Variants in KDM2A observed in about 807,000 individuals in gnomAD.
KDM2A encodes the protein lysine demethylase 2A.
KDM2A carries 3 observed loss-of-function variants against 137.3 expected under a neutral mutation model. The observed-to-expected ratio is 0.02, with a 90% CI of 0.01 to 0.06. The LOEUF (loss-of-function observed/expected upper bound fraction) is 0.06, where lower values mean the gene tolerates loss of function less well. KDM2A is among the 10% of genes least tolerant of loss of function. The pLI, the probability that KDM2A is intolerant of heterozygous loss-of-function variation, is 1.00. For synonymous variants in KDM2A, 512 were observed against 541.5 expected (o/e 0.95, Z 0.76); for missense variants, 738 against 1,510.6 (o/e 0.49, Z 8.48).
At position 67,254,998 on chromosome 11, in the gene KDM2A, G is replaced by T. The variant is rs373901181; in HGVS notation, c.3432G>T (p.Leu1144Phe). 3.1e-6 allele frequency: 5 copies of T among 1,613,468 alleles called. No individual in the cohort carries two copies. The highest frequency in any genetic ancestry group is 4.2e-6 in the Non-Finnish European group (5 of 1,179,678). Residue 1144 changes from leucine (L) to phenylalanine (F), a missense_variant, in exon 21 of 21, where the codon TTG becomes TTT. Coordinates refer to ENST00000529006, the MANE Select transcript of KDM2A (RefSeq NM_012308.3). This position sits in a 1 kb window ranked among gnomAD's most constrained non-coding sequence, Gnocchi z 4.7. Reference sequence around the variant, plus strand: ...CCTGCGAGCACTTCATCTCAGACTTGTCCATCAACAGCCTCTACTGCCTGT... The same window carrying T: ...CCTGCGAGCACTTCATCTCAGACTTTTCCATCAACAGCCTCTACTGCCTGT... ...RKACEHFISD[L>F]SINSLYCLSD...
At chr11:67,153,836 A>G (rs986464450) in intron 2 of KDM2A, among the ~76,000 whole-genome samples, 1 of 151,886 alleles carries the variant, frequency 6.6e-6, no homozygotes, top group South Asian at 2.1e-4. Flanking sequence ...AAAAACACCA[A>G]AAACAACCAA....
intron 12 of KDM2A, among the ~76,000 whole-genome samples, chr11:67,241,779 A>G (rs2136443528): frequency 6.6e-6 from 1 of 152,328 alleles, no homozygotes; most frequent in East Asian, 1.9e-4. Context: ...TCTAAAACGA[A>G]AAGATTTGGC....
intron 6 of KDM2A, among the ~76,000 whole-genome samples, chr11:67,209,125 G>T (rs969387970): frequency 6.6e-6 from 1 of 151,788 alleles, no homozygotes; most frequent in Admixed American, 6.6e-5. Flanking sequence ...TAGAGACGGG[G>T]TTTCATCATG....
At position 67,245,623 on chromosome 11, in the gene KDM2A, G is replaced by C. The variant is rs1396996186; in HGVS notation, c.1833+165G>C. On this transcript the variant is annotated intron_variant, in intron 14 of 20. Coordinates refer to ENST00000529006, the MANE Select transcript of KDM2A (RefSeq NM_012308.3). The surrounding 1 kb of genome is among the most constrained non-coding windows in gnomAD (Gnocchi z 4.1). The stretch of plus-strand genomic sequence containing the variant: ...TTTTTTCCCCAGGTTTAGATAGAAG[G>C]TATCTAGTACTAAAAATCCGATTTA... 7.8e-5 allele frequency: 57 copies of C among 730,392 alleles called. No individual in the cohort carries two copies. Among genetic ancestry groups the C allele is most frequent in the Non-Finnish European group, 1.1e-4 (52 of 454,570 alleles). 45.2% of individuals were successfully genotyped at this position (730,392 alleles called of 1,614,324 possible). A position where few individuals can be genotyped will look rare whatever the true frequency, so the allele number is the denominator to read the frequency against.
intron 2 of KDM2A, among the ~76,000 whole-genome samples, chr11:67,179,416 G>T (rs1857039042): frequency 1.3e-5 from 2 of 152,134 alleles, no homozygotes; most frequent in African/African-American, 4.8e-5. Flanking sequence ...TGGGATTACA[G>T]GCATGTGCCA....
intron 5 of KDM2A, among the ~76,000 whole-genome samples, chr11:67,206,467 T>C (rs1231716529): frequency 1.3e-5 from 2 of 152,022 alleles, no homozygotes; most frequent in Non-Finnish European, 2.9e-5. Flanking sequence ...CTGGGCATGG[T>C]GGCTCACGCC....
At chr11:67,123,377 A>G (rs988941181) in intron 2 of KDM2A, among the ~76,000 whole-genome samples, 3 of 147,494 alleles carry the variant, frequency 2.0e-5, no homozygotes, top group Non-Finnish European at 4.4e-5. Flanking sequence ...GCCTAATTTC[A>G]GAGATTTGTC....
Position 67,254,967 on chromosome 11 carries a change from G to A in KDM2A, c.3401G>A (p.Arg1134Gln), listed in dbSNP as rs774967696. Residue 1134 changes from arginine (R) to glutamine (Q), a missense_variant, in exon 21 of 21, where the codon CGA becomes CAA. Around this residue, in one of 9 missense-constraint regions of KDM2A, gnomAD observed 166 missense variants for 324.0 expected, o/e 0.51. Transcript: ENST00000529006. This position sits in a 1 kb window ranked among gnomAD's most constrained non-coding sequence, Gnocchi z 4.7. The part of the protein sequence containing the change: ...IDLRGCKQIT[R>Q]KACEHFISDL... Reference sequence around the variant, plus strand: ...CTTCGAGGATGCAAGCAGATCACTCGAAAAGCCTGCGAGCACTTCATCTCA... The same window carrying A: ...CTTCGAGGATGCAAGCAGATCACTCAAAAAGCCTGCGAGCACTTCATCTCA... 1.2e-6 allele frequency: 2 copies of A among 1,613,716 alleles called. No homozygotes were observed. The highest frequency in any genetic ancestry group is 1.7e-6 in the Non-Finnish European group (2 of 1,179,848).
At chr11:67,185,988 G>A (rs900406290) in intron 5 of KDM2A, among the ~76,000 whole-genome samples, 1 of 151,948 alleles carries the variant, frequency 6.6e-6, no homozygotes, top group Non-Finnish European at 1.5e-5. Context: ...TGGACTAAGA[G>A]CCTAAAGGAA....
chr11:67,220,586 C>A (rs1858315007), intron 10 of KDM2A, among the ~76,000 whole-genome samples: 1 of 151,982 alleles, frequency 6.6e-6, no homozygotes, highest in African/African-American at 2.4e-5. Context: ...TCTCATTTTT[C>A]TCTAGGATGA....
At position 67,220,725 on chromosome 11, in the gene KDM2A, G is replaced by T. The variant is rs1466801759; in HGVS notation, c.957+1322G>T. ...ATAGTAAATATTTTAGGCTTCGTGG[G>T]TCATAAAGTGTCTATTGTAACTGTT... is the stretch of plus-strand genomic sequence containing the variant. On this transcript the variant is annotated intron_variant, in intron 10 of 20. Transcript: ENST00000529006. 4.6e-5 allele frequency among the ~76,000 whole-genome samples: 7 copies of T among 152,102 alleles called. No individual in the cohort carries two copies. In the East Asian group the frequency reaches 1.3e-3, roughly 29 times the overall value.
chr11:67,253,978 TGC>T (rs770058800), intron 19 of KDM2A, among the ~76,000 whole-genome samples: 4 of 152,248 alleles, frequency 2.6e-5, no homozygotes, highest in Non-Finnish European at 5.9e-5. Context: ...TTTTGCTGTG[TGC>T]ATGAGGCATA....
chr11:67,194,143 T>C (rs1452453848), intron 5 of KDM2A, among the ~76,000 whole-genome samples: 1 of 152,250 alleles, frequency 6.6e-6, no homozygotes, highest in Non-Finnish European at 1.5e-5. Context: ...TTTAATCCTT[T>C]TGTTTCTTTT....
At chr11:67,143,696 G>A (rs538557843) in intron 2 of KDM2A, among the ~76,000 whole-genome samples, 1 of 151,592 alleles carries the variant, frequency 6.6e-6, no homozygotes, top group Non-Finnish European at 1.5e-5. Context: ...GCAATGACGC[G>A]ATCTTGGCTC....
At chr11:67,156,910 G>C (rs1176736601) in intron 2 of KDM2A, among the ~76,000 whole-genome samples, 1 of 151,090 alleles carries the variant, frequency 6.6e-6, no homozygotes, top group Non-Finnish European at 1.5e-5. Flanking sequence ...TATGAAATAG[G>C]AGCTTCAGTG....
At chr11:67,233,798 A>T (rs1858791056) in intron 12 of KDM2A, among the ~76,000 whole-genome samples, 1 of 151,824 alleles carries the variant, frequency 6.6e-6, no homozygotes, top group Non-Finnish European at 1.5e-5. Context: ...GCAAGAAGAG[A>T]GGGGAGTTAA....
At chr11:67,134,495 T>A (rs1004420104) in intron 2 of KDM2A, among the ~76,000 whole-genome samples, 4 of 152,198 alleles carry the variant, frequency 2.6e-5, no homozygotes, top group Non-Finnish European at 5.9e-5. Flanking sequence ...TTTTATTTTT[T>A]AAAGTTTTAT....
In KDM2A at chr11:67,159,464, T is replaced by C. The variant is rs144780237; in HGVS notation, c.43-20615T>C. On this transcript the variant is annotated intron_variant, in intron 2 of 20. Coordinates refer to ENST00000529006, the MANE Select transcript of KDM2A (RefSeq NM_012308.3). ...TTGGATCTAGAAGATTAGATTCATCTTAAACATTTTGGCAAGAATGTTTCC... is the reference window on the plus strand; with the variant it reads ...TTGGATCTAGAAGATTAGATTCATCCTAAACATTTTGGCAAGAATGTTTCC... Among the ~76,000 whole-genome samples the C allele has an allele frequency of 4.0e-4, 61 of 152,358 alleles. No individual in the cohort carries two copies. The East Asian group carries it at 9.4e-3, about 24-fold the overall frequency.
At chr11:67,146,055 G>T (rs866665321) in intron 2 of KDM2A, among the ~76,000 whole-genome samples, 2 of 148,308 alleles carry the variant, frequency 1.3e-5, no homozygotes, top group South Asian at 4.3e-4. Flanking sequence ...GCAGTGGCGC[G>T]ATCTCAGCTC....
Sources: allele counts gnomAD v4.1 joint callset (sites outside exome capture counted in the v4.1 genomes callset), GRCh38; gene constraint gnomAD v4.1.1; regional missense constraint gnomAD v4.1.1; non-coding constraint Gnocchi (gnomAD v3.1); transcripts MANE v1.5; gene names NCBI Gene and HGNC (gene_info 2026-07-23, HGNC 2026-07-21).